NPR2: variants seen among roughly 807,000 people sequenced by gnomAD.
The protein encoded by NPR2 is natriuretic peptide receptor 2.
Under a neutral mutation model 120.7 loss-of-function variants are expected in NPR2, and 49 were observed. That is an observed-to-expected ratio of 0.41 (90% CI 0.32 to 0.52). NPR2 has a LOEUF of 0.52. Among genes scored for constraint, NPR2 ranks in the 20% least tolerant of loss-of-function variants. The pLI is 0.36. For missense variants in NPR2, 931 were observed against 1,362.9 expected (o/e 0.68, Z 4.99); for synonymous variants, 484 against 519.8 (o/e 0.93, Z 0.94).
intron 2 of NPR2, 43 bp downstream of exon 2, chr9:35,794,146 C>T (rs780501735): frequency 3.8e-6 from 6 of 1,569,554 alleles, no homozygotes; most frequent in Non-Finnish European, 5.2e-6. Flanking sequence ...GGAAGAGGTG[C>T]TTCGCTGGAA....
Position 35,800,390 on chromosome 9 carries a change from T to C in NPR2, c.1125T>C (p.Gly375=). Residue 375 remains glycine (G), a splice_region_variant and synonymous_variant, in exon 5 of 22, where the codon GGT becomes GGC. Coordinates refer to ENST00000342694, the MANE Select transcript of NPR2 (RefSeq NM_003995.4). The surrounding 1 kb of genome is among the most constrained non-coding windows in gnomAD (Gnocchi z 4.7). ...AAAGGACACTCTTTTCTGTCTTAGG[T>C]GTAACTGGGCTGGTTGTCATGGACA... ...VEKMQGRRYH[G]VTGLVVMDKN... The C allele has an allele frequency of 6.2e-7, 1 of 1,613,356 alleles. No individual in the cohort carries two copies. The highest frequency in any genetic ancestry group is 1.1e-5 in the South Asian group (1 of 91,060).
rs1339903510 is a variant in NPR2 at position 35,792,044 on chromosome 9, C to G, written c.-365C>G. On this transcript the variant is annotated 5_prime_UTR_variant, in exon 1 of 22. Coordinates refer to ENST00000342694, the MANE Select transcript of NPR2 (RefSeq NM_003995.4). ...TTCTTTGTACCACCCGCCCCCCACC[C>G]CCACCCCATCCCAGTCCCAGATCCC... 1 of 140,766 alleles carries G rather than the reference C, an allele frequency of 7.1e-6. No individual in the cohort carries two copies. Among genetic ancestry groups the G allele is most frequent in the Non-Finnish European group, 1.5e-5 (1 of 64,582 alleles). The allele number at this position is 140,766 out of a possible 1,614,324, so 8.7% of individuals were successfully genotyped here. A position where few individuals can be genotyped will look rare whatever the true frequency, so the allele number is the denominator to read the frequency against.
Position 35,808,310 on chromosome 9 carries a change from G to A in NPR2, c.2713-199G>A, listed in dbSNP as rs761190573. On this transcript the variant is annotated intron_variant, in intron 18 of 21. Coordinates refer to ENST00000342694, the MANE Select transcript of NPR2 (RefSeq NM_003995.4). The surrounding 1 kb of genome is among the most constrained non-coding windows in gnomAD (Gnocchi z 4.0). ...TTTACTGAGTATTCACCAGGTGCTG[G>A]GTGGAGAAAGAAGACTTAAAGATTC... is the stretch of plus-strand genomic sequence containing the variant. The A allele has an allele frequency of 6.3e-7, 1 of 1,596,930 alleles. No individual in the cohort carries two copies. The highest frequency in any genetic ancestry group is 1.1e-5 in the South Asian group (1 of 90,752).
chr9:35,795,361 C>A (rs891620004), intron 2 of NPR2, among the ~76,000 whole-genome samples: 3 of 152,172 alleles, frequency 2.0e-5, no homozygotes, highest in Admixed American at 6.5e-5. Context: ...TTTTACTAAC[C>A]GTGCATATAA....
In NPR2 at chr9:35,800,294, G is replaced by A. The variant is rs564068883; in HGVS notation, c.1124-95G>A. 4.5e-5 allele frequency: 64 copies of A among 1,420,662 alleles called. No individual in the cohort carries two copies. Among genetic ancestry groups the A allele is most frequent in the Non-Finnish European group, 6.0e-5 (60 of 1,003,642 alleles). 88.0% of individuals were successfully genotyped at this position (1,420,662 alleles called of 1,614,324 possible). On this transcript the variant is annotated intron_variant, in intron 4 of 21. Transcript: ENST00000342694. The surrounding 1 kb of genome is among the most constrained non-coding windows in gnomAD (Gnocchi z 4.7). ...GCAGAGTTGCCCACACCTCAAGATCGGGGAAGGGTAGACTCTGAGGGAGCC... is the reference window on the plus strand; with the variant it reads ...GCAGAGTTGCCCACACCTCAAGATCAGGGAAGGGTAGACTCTGAGGGAGCC...
intron 12 of NPR2, among the ~76,000 whole-genome samples, chr9:35,804,760 G>A (rs111751843): frequency 4.2e-5 from 6 of 142,494 alleles, no homozygotes; most frequent in Admixed American, 2.1e-4. Context: ...CCTCTACCCC[G>A]ACCTGCCCAC....
In NPR2 at chr9:35,802,186, C is replaced by T; in HGVS notation, c.1633-20C>T. 6.5e-7 allele frequency: 1 copy of T among 1,535,946 alleles called. No individual in the cohort carries two copies. The highest frequency in any genetic ancestry group is 9.0e-7 in the Non-Finnish European group (1 of 1,108,830). On this transcript the variant is annotated intron_variant, in intron 9 of 21. Coordinates refer to ENST00000342694, the MANE Select transcript of NPR2 (RefSeq NM_003995.4). This position sits in a 1 kb window ranked among gnomAD's most constrained non-coding sequence, Gnocchi z 4.2. ...ACTTCTGATATTCACTTTCCTTTCCCCTTTCACTCCCACCATCAGGGAAAT... is the reference window on the plus strand; with the variant it reads ...ACTTCTGATATTCACTTTCCTTTCCTCTTTCACTCCCACCATCAGGGAAAT...
chr9:35,800,516 GCCCT>G lies in NPR2; in HGVS notation c.1218+34_1218+37del, dbSNP rs1828108860. The stretch of plus-strand genomic sequence containing the variant: ...AGGAGGAGGCAGGGAAGAGAGTGTG[GCCCT>G]GCAAAATCCAGCTTTCAAGGGTTCA... On this transcript the variant is annotated intron_variant, in intron 5 of 21. Transcript: ENST00000342694. This position sits in a 1 kb window ranked among gnomAD's most constrained non-coding sequence, Gnocchi z 4.7. 2 of 1,590,988 alleles carry G rather than the reference GCCCT, an allele frequency of 1.3e-6. No individual in the cohort carries two copies. The highest frequency in any genetic ancestry group is 1.7e-6 in the Non-Finnish European group (2 of 1,159,264).
rs2132104714 is a variant in NPR2, at chr9:35,809,411, T to C, written c.3110T>C (p.Leu1037Ser). ...GGAAAGATGCGAACATACTGGCTCT[T>C]AGGAGAGCGGAAAGGACCTCCTGGA... ...GKGKMRTYWL[L>S]GERKGPPGLL is the part of the protein sequence containing the mutation. Residue 1037 changes from leucine (L) to serine (S), a missense_variant, in exon 22 of 22, where the codon TTA (leucine) becomes TCA (serine). Transcript: ENST00000342694. The surrounding 1 kb of genome is among the most constrained non-coding windows in gnomAD (Gnocchi z 4.1). 1 of 1,614,202 alleles carries C rather than the reference T, an allele frequency of 6.2e-7. No individual in the cohort carries two copies. The highest frequency in any genetic ancestry group is 1.1e-5 in the South Asian group (1 of 91,088).
chr9:35,808,350 C>G lies in NPR2; in HGVS notation c.2713-159C>G. 6.9e-7 allele frequency: 1 copy of G among 1,448,166 alleles called. No homozygotes were observed. The highest frequency in any genetic ancestry group is 9.7e-7 in the Non-Finnish European group (1 of 1,031,432). The allele number at this position is 1,448,166 out of a possible 1,614,324, so 89.7% of individuals were successfully genotyped here. On this transcript the variant is annotated intron_variant, in intron 18 of 21. Coordinates refer to ENST00000342694, the MANE Select transcript of NPR2 (RefSeq NM_003995.4). The surrounding 1 kb of genome is among the most constrained non-coding windows in gnomAD (Gnocchi z 4.0). ...CTTAAAGATTCCCTAGACATCTCCT[C>G]TCCCCTAGACTCAGGACCATGGCAC...
intron 2 of NPR2, among the ~76,000 whole-genome samples, chr9:35,796,469 G>A (rs1440124846): frequency 6.6e-6 from 1 of 152,230 alleles, no homozygotes; most frequent in Non-Finnish European, 1.5e-5. Flanking sequence ...ACAGGCATGA[G>A]CCACTGCGCC....
chr9:35,798,548 G>A (rs540621792), intron 2 of NPR2, among the ~76,000 whole-genome samples: 1 of 152,330 alleles, frequency 6.6e-6, no homozygotes, highest in Non-Finnish European at 1.5e-5. Flanking sequence ...TGTGTCTAGT[G>A]CAGCGTATCT....
rs1403220519 is a variant in NPR2, at chr9:35,806,248, T to C, written c.2372+15T>C. The stretch of plus-strand genomic sequence containing the variant: ...CGCTTTAACAAGTGAGAGGGCATTA[T>C]GGGGCAGGGGCTTCCCAGGGATAGA... On this transcript the variant is annotated intron_variant, in intron 15 of 21. Coordinates refer to ENST00000342694, the MANE Select transcript of NPR2 (RefSeq NM_003995.4). This position sits in a 1 kb window ranked among gnomAD's most constrained non-coding sequence, Gnocchi z 4.6. 4 of 1,613,920 alleles carry C rather than the reference T, an allele frequency of 2.5e-6. No individual in the cohort carries two copies. Among genetic ancestry groups the C allele is most frequent in the Non-Finnish European group, 8.5e-7 (1 of 1,180,002 alleles).
Position 35,792,492 on chromosome 9 carries a change from G to A in NPR2, c.84G>A (p.Ala28=). ...RPPGARNLTL[A]VVLPEHNLSY... is the part of the protein sequence containing the mutation. ...CCGGGGCGCGGAACCTGACGCTGGC[G>A]GTGGTGCTGCCAGAACACAACCTGA... Residue 28 remains alanine (A), a synonymous_variant, in exon 1 of 22, where the codon GCG becomes GCA. Coordinates refer to ENST00000342694, the MANE Select transcript of NPR2 (RefSeq NM_003995.4). 1 of 1,610,494 alleles carries A rather than the reference G, an allele frequency of 6.2e-7. No homozygotes were observed. Among genetic ancestry groups the A allele is most frequent in the South Asian group, 1.1e-5 (1 of 91,086 alleles).
intron 1 of NPR2, 45 bp from the exon 2 acceptor site, chr9:35,793,853 T>C (rs1196710868): frequency 1.9e-6 from 3 of 1,595,968 alleles, no homozygotes; most frequent in Admixed American, 3.3e-5. Flanking sequence ...GTGGGGGACC[T>C]GGATACCTTC....
Position 35,808,219 on chromosome 9 carries a change from TC to T in NPR2, c.2713-288del. The T allele has an allele frequency of 6.2e-7, 1 of 1,614,186 alleles. No individual in the cohort carries two copies. The highest frequency in any genetic ancestry group is 8.5e-7 in the Non-Finnish European group (1 of 1,180,042). On this transcript the variant is annotated intron_variant, in intron 18 of 21. Transcript: ENST00000342694. This position sits in a 1 kb window ranked among gnomAD's most constrained non-coding sequence, Gnocchi z 4.0. Reference sequence around the variant, plus strand: ...AGTTACCGTTTTCTTGCTTCCCATTTCCTGATGGCAGAGCCTATTTGTCCAT... The same window carrying T: ...AGTTACCGTTTTCTTGCTTCCCATTTCTGATGGCAGAGCCTATTTGTCCAT...
intron 17 of NPR2, 60 bp from the exon 18 acceptor site, chr9:35,807,270 T>C: frequency 1.3e-6 from 2 of 1,521,576 alleles, no homozygotes; most frequent in Non-Finnish European, 1.8e-6. Context: ...GCTTGTGGGT[T>C]AAGAATTCTT....
At chr9:35,794,512 A>G (rs1827889097) in intron 2 of NPR2, among the ~76,000 whole-genome samples, 1 of 152,200 alleles carries the variant, frequency 6.6e-6, no homozygotes, top group African/African-American at 2.4e-5. Context: ...AACAGACACT[A>G]AGAACTTTAG....
chr9:35,800,405 T>C lies in NPR2; in HGVS notation c.1140T>C (p.Val380=). ...GRRYHGVTGL[V]VMDKNNDRET... ...CTGTCTTAGGTGTAACTGGGCTGGT[T>C]GTCATGGACAAGAACAATGACCGAG... Residue 380 remains valine, a synonymous_variant, in exon 5 of 22, where the codon GTT becomes GTC. Coordinates refer to ENST00000342694, the MANE Select transcript of NPR2 (RefSeq NM_003995.4). This position sits in a 1 kb window ranked among gnomAD's most constrained non-coding sequence, Gnocchi z 4.7. The C allele has an allele frequency of 6.2e-7, 1 of 1,614,064 alleles. No homozygotes were observed. The highest frequency in any genetic ancestry group is 8.5e-7 in the Non-Finnish European group (1 of 1,179,938).
Sources: allele counts gnomAD v4.1 joint callset (sites outside exome capture counted in the v4.1 genomes callset), GRCh38; gene constraint gnomAD v4.1.1; non-coding constraint Gnocchi (gnomAD v3.1); transcripts MANE v1.5; gene names NCBI Gene and HGNC (gene_info 2026-07-23, HGNC 2026-07-21).